BBOX1: variants seen among roughly 807,000 people sequenced by gnomAD.
The protein encoded by BBOX1 is gamma-butyrobetaine dioxygenase.
Under a neutral mutation model 41.6 loss-of-function variants are expected in BBOX1, and 35 were observed. That is an observed-to-expected ratio of 0.84 (90% CI 0.64 to 1.11). The LOEUF is 1.11. Ranked by LOEUF, BBOX1 falls within the 50% of genes most tolerant of loss-of-function variation. BBOX1 has a pLI of 0.00. For missense variants in BBOX1, 458 were observed against 460.6 expected (o/e 0.99, Z 0.05); for synonymous variants, 163 against 154.7 (o/e 1.05, Z -0.40).
chr11:27,104,877 C>T (rs1164497015), intron 5 of BBOX1, among the ~76,000 whole-genome samples: 2 of 152,124 alleles, frequency 1.3e-5, no homozygotes, highest in South Asian at 2.1e-4. Flanking sequence ...CAGCCTGGTA[C>T]CCCTCTGAGA....
chr11:27,067,496 A>G (rs1857324852), intron 4 of BBOX1, among the ~76,000 whole-genome samples: 1 of 151,952 alleles, frequency 6.6e-6, no homozygotes, highest in African/African-American at 2.4e-5. Context: ...GGATTTTGGG[A>G]GGCCAAGGCA....
chr11:27,064,905 T>A (rs77237670), intron 4 of BBOX1, among the ~76,000 whole-genome samples: 1,417 of 67,794 alleles, frequency 0.021, 15 homozygotes, highest in African/African-American at 0.043. Flanking sequence ...GTGTCAGACA[T>A]GAAAAAAAAA....
intron 5 of BBOX1, among the ~76,000 whole-genome samples, chr11:27,101,516 C>T (rs1385588679): frequency 6.6e-6 from 1 of 151,974 alleles, no homozygotes; most frequent in East Asian, 1.9e-4. Flanking sequence ...TTGCAATGTA[C>T]TACATTATTT....
intron 5 of BBOX1, among the ~76,000 whole-genome samples, chr11:27,109,511 T>G (rs1858980984): frequency 6.6e-6 from 1 of 151,910 alleles, no homozygotes; most frequent in African/African-American, 2.4e-5. Flanking sequence ...CTGAGCTAGA[T>G]TTTCATTAAT....
intron 4 of BBOX1, among the ~76,000 whole-genome samples, chr11:27,092,084 C>T (rs1858265040): frequency 6.6e-6 from 1 of 151,934 alleles, no homozygotes; most frequent in Non-Finnish European, 1.5e-5. Flanking sequence ...TATCTGACGC[C>T]TACAAAAATT....
At chr11:27,044,766 G>A (rs1590159162) in intron 2 of BBOX1, among the ~76,000 whole-genome samples, 1 of 151,884 alleles carries the variant, frequency 6.6e-6, no homozygotes, top group African/African-American at 2.4e-5. Flanking sequence ...TTATTTCTGA[G>A]GCCTCTGTTT....
intron 4 of BBOX1, among the ~76,000 whole-genome samples, chr11:27,092,486 C>G (rs1858282422): frequency 6.6e-6 from 1 of 151,900 alleles, no homozygotes; most frequent in African/African-American, 2.4e-5. Context: ...TTACATTTTT[C>G]TTTCTGTTTT....
chr11:27,070,878 T>C lies in BBOX1; in HGVS notation c.334+13563T>C, dbSNP rs1480468100. 2.0e-5 allele frequency among the ~76,000 whole-genome samples: 3 copies of C among 152,246 alleles called. No homozygotes were observed. The East Asian group carries it at 5.8e-4, about 29-fold the overall frequency. ...ATTACTGTTTTATAGGCCTGTGAGTTTTACGCTTTCAAGAGATTCTATTCT... is the reference window on the plus strand; with the variant it reads ...ATTACTGTTTTATAGGCCTGTGAGTCTTACGCTTTCAAGAGATTCTATTCT... On this transcript the variant is annotated intron_variant, in intron 4 of 8. Coordinates refer to ENST00000263182, the MANE Select transcript of BBOX1 (RefSeq NM_003986.3).
chr11:27,104,768 G>C (rs1363868709), intron 5 of BBOX1, among the ~76,000 whole-genome samples: 2 of 152,164 alleles, frequency 1.3e-5, no homozygotes, highest in Non-Finnish European at 2.9e-5. Flanking sequence ...TGGAGTTTGA[G>C]ATCTGAGAAC....
At chr11:27,082,229 A>G (rs1220011855) in intron 4 of BBOX1, among the ~76,000 whole-genome samples, 1 of 152,124 alleles carries the variant, frequency 6.6e-6, no homozygotes, top group Non-Finnish European at 1.5e-5. Context: ...GCAAATATCC[A>G]AACTATATCT....
At chr11:27,052,226 G>C (rs1851693998) in intron 2 of BBOX1, among the ~76,000 whole-genome samples, 1 of 151,994 alleles carries the variant, frequency 6.6e-6, no homozygotes, top group Non-Finnish European at 1.5e-5. Flanking sequence ...ATAAACTGCA[G>C]GCAATTTAAA....
chr11:27,041,905 C>G (rs990300677), intron 2 of BBOX1, among the ~76,000 whole-genome samples: 1 of 152,118 alleles, frequency 6.6e-6, no homozygotes, highest in African/African-American at 2.4e-5. Flanking sequence ...CACAACCCAT[C>G]CCAAAGAATG....
intron 5 of BBOX1, among the ~76,000 whole-genome samples, chr11:27,101,049 C>A (rs1273731178): frequency 6.6e-6 from 1 of 151,968 alleles, no homozygotes; most frequent in African/African-American, 2.4e-5. Context: ...CATTATCCCC[C>A]AAAAAAATGA....
intron 4 of BBOX1, among the ~76,000 whole-genome samples, chr11:27,064,921 CA>C (rs1252889327): frequency 6.7e-6 from 1 of 149,256 alleles, no homozygotes; most frequent in African/African-American, 2.4e-5. Context: ...AAAAAAACAA[CA>C]AAAAAAACAT....
At position 27,110,877 on chromosome 11, in the gene BBOX1, G is replaced by A. The variant is rs571263663; in HGVS notation, c.534-4575G>A. Among the ~76,000 whole-genome samples the A allele has an allele frequency of 6.6e-5, 10 of 151,924 alleles. No individual in the cohort carries two copies. The South Asian group carries it at 1.9e-3, about 28-fold the overall frequency. On this transcript the variant is annotated intron_variant, in intron 5 of 8. Coordinates refer to ENST00000263182, the MANE Select transcript of BBOX1 (RefSeq NM_003986.3). ...ATATATATTAATAGACATTATAACA[G>A]CAATCAAATGGCATGTATATATAGT...
chr11:27,084,322 G>C (rs1412552011), intron 4 of BBOX1, among the ~76,000 whole-genome samples: 2 of 152,034 alleles, frequency 1.3e-5, no homozygotes, highest in Non-Finnish European at 2.9e-5. Flanking sequence ...AGTGTTTCTG[G>C]ATAGACTGCC....
chr11:27,122,594 C>T (rs1030896032), intron 7 of BBOX1, among the ~76,000 whole-genome samples: 7 of 152,060 alleles, frequency 4.6e-5, no homozygotes, highest in African/African-American at 1.2e-4. Flanking sequence ...AAGATGCTTT[C>T]GAAGTCCGAA....
At chr11:27,116,606 T>G (rs1590225374) in intron 6 of BBOX1, among the ~76,000 whole-genome samples, 1 of 151,958 alleles carries the variant, frequency 6.6e-6, no homozygotes, top group Admixed American at 6.6e-5. Context: ...CTGCAATTGG[T>G]TGCTAAGTTG....
At chr11:27,103,994 G>T (rs576820435) in intron 5 of BBOX1, among the ~76,000 whole-genome samples, 1 of 152,214 alleles carries the variant, frequency 6.6e-6, no homozygotes, top group East Asian at 1.9e-4. Context: ...AGCTTTCTAA[G>T]ACCTTCTAGT....
Sources: allele counts gnomAD v4.1 joint callset (sites outside exome capture counted in the v4.1 genomes callset), GRCh38; gene constraint gnomAD v4.1.1; transcripts MANE v1.5; gene names NCBI Gene and HGNC (gene_info 2026-07-23, HGNC 2026-07-21).